Variants in INTS9 observed in about 807,000 individuals in gnomAD.
INTS9 encodes protein related to CPSF subunits of 74 kDa.
A neutral mutation model predicts 79.7 loss-of-function variants in INTS9; 55 were observed. The observed-to-expected ratio is 0.69, with a 90% CI of 0.56 to 0.86. The LOEUF is 0.86. Among genes scored for constraint, INTS9 ranks in the 40% least tolerant of loss-of-function variants. The probability of loss-of-function intolerance (pLI) is 0.00; values close to 1 mark genes in which losing one functional copy is unlikely to be tolerated. For missense variants in INTS9, 721 were observed against 831.5 expected, an observed-to-expected ratio of 0.87 and a Z score of 1.64; for synonymous variants, 319 against 325.2, an observed-to-expected ratio of 0.98 and a Z score of 0.20.
chr8:28,781,112 G>A (rs144557177), intron 11 of INTS9, 118 bp from the exon 12 acceptor site: 6 of 753,566 alleles, frequency 8.0e-6, no homozygotes, highest in South Asian at 5.8e-5. Context: ...GACAAGCCAC[G>A]GATTGGGAGA....
chr8:28,802,098 A>G (rs1804560113), intron 8 of INTS9, among the ~76,000 whole-genome samples: 1 of 152,254 alleles, frequency 6.6e-6, no homozygotes, highest in South Asian at 2.1e-4. Flanking sequence ...AGAATAAAAC[A>G]TCATAAGCTC....
At chr8:28,799,313 A>G (rs898980848) in intron 8 of INTS9, 13 of 152,772 alleles carry the variant, frequency 8.5e-5, no homozygotes, top group African/African-American at 3.1e-4. Flanking sequence ...AACAAAACAT[A>G]TAACACAGAG....
intron 11 of INTS9, among the ~76,000 whole-genome samples, chr8:28,782,531 G>A (rs924451777): frequency 1.4e-4 from 22 of 152,182 alleles, no homozygotes; most frequent in Non-Finnish European, 1.2e-4. Flanking sequence ...GGACATGTGT[G>A]CACACATGCA....
intron 2 of INTS9, among the ~76,000 whole-genome samples, chr8:28,852,910 AG>A (rs1201319019): frequency 1.2e-4 from 18 of 152,260 alleles, no homozygotes; most frequent in Non-Finnish European, 2.1e-4. Context: ...CCAATGACAA[AG>A]GGATGCAAAT....
At chr8:28,828,217 G>C (rs945241792) in intron 6 of INTS9, among the ~76,000 whole-genome samples, 1 of 152,164 alleles carries the variant, frequency 6.6e-6, no homozygotes, top group Non-Finnish European at 1.5e-5. Flanking sequence ...ACTAACTACA[G>C]GTAACAGTGG....
chr8:28,844,183 GTTTCT>G (rs756049969), intron 4 of INTS9, among the ~76,000 whole-genome samples: 11 of 151,452 alleles, frequency 7.3e-5, no homozygotes, highest in South Asian at 4.1e-4. Flanking sequence ...GCTTGTTTAC[GTTTCT>G]TTTGAGTGCA....
In INTS9 at chr8:28,768,158, T is replaced by TAAGA; in HGVS notation, c.1961_1964dup (p.Leu655PhefsTer15). 1 of 1,614,132 alleles carries TAAGA rather than the reference T, an allele frequency of 6.2e-7. No individual in the cohort carries two copies. The highest frequency in any genetic ancestry group is 8.5e-7 in the Non-Finnish European group (1 of 1,180,026). ...TCAGATGGCCCACTCAGAACTTCTGTAAGAATTTGAGGACAAGGTCCCGCA... is the reference window on the plus strand; with the variant it reads ...TCAGATGGCCCACTCAGAACTTCTGTAAGAAAGAATTTGAGGACAAGGTCCCGCA... On this transcript the variant is annotated frameshift_variant, in exon 17 of 17. Transcript: ENST00000521022. LOFTEE classifies it high-confidence loss of function.
intron 11 of INTS9, among the ~76,000 whole-genome samples, chr8:28,784,468 A>G (rs762036032): frequency 6.6e-6 from 1 of 152,266 alleles, no homozygotes. Flanking sequence ...CCAAAATACT[A>G]TTTAGACTAC....
intron 1 of INTS9, among the ~76,000 whole-genome samples, chr8:28,860,633 T>C (rs1808412344): frequency 6.6e-6 from 1 of 152,196 alleles, no homozygotes. Flanking sequence ...TCTGCCACCA[T>C]GCCTGGCTGG....
rs149222679 is a variant in INTS9, at chr8:28,834,288, C to T, written c.488+1004G>A. Among the ~76,000 whole-genome samples, 680 of 152,290 alleles carry T rather than the reference C, an allele frequency of 4.5e-3. 7 individuals are homozygous for T. Among genetic ancestry groups the T allele is most frequent in the African/African-American group, 0.016 (652 of 41,556 alleles). ...CCTCTGCATTCCTGTCCATCCTTTA[C>T]GCTGCTTCCAGAGTTACTTTCCCCA... On this transcript the variant is annotated intron_variant, in intron 6 of 16. Coordinates refer to ENST00000521022, the MANE Select transcript of INTS9 (RefSeq NM_018250.4).
intron 1 of INTS9, among the ~76,000 whole-genome samples, chr8:28,863,079 G>C (rs764138870): frequency 1.3e-5 from 2 of 152,120 alleles, no homozygotes; most frequent in Non-Finnish European, 2.9e-5. Flanking sequence ...AATCATTAAG[G>C]GGCTGAAGAG....
chr8:28,840,676 G>A (rs1807124237), intron 4 of INTS9, among the ~76,000 whole-genome samples: 1 of 148,014 alleles, frequency 6.8e-6, no homozygotes, highest in East Asian at 2.0e-4. Context: ...ATCATTCTCA[G>A]TAAACTATCA....
intron 6 of INTS9, among the ~76,000 whole-genome samples, chr8:28,826,636 T>A (rs1563278594): frequency 6.6e-6 from 1 of 152,192 alleles, no homozygotes; most frequent in Non-Finnish European, 1.5e-5. Flanking sequence ...AAGATGATGA[T>A]GGGCTGTCAC....
intron 1 of INTS9, among the ~76,000 whole-genome samples, chr8:28,884,815 T>C (rs1012293854): frequency 2.0e-5 from 3 of 152,172 alleles, no homozygotes; most frequent in African/African-American, 7.2e-5. Flanking sequence ...TGTACTGCAA[T>C]AGTTGAATCA....
In INTS9 at chr8:28,816,284, C is replaced by A. The variant is rs969371094; in HGVS notation, c.489-2672G>T. On this transcript the variant is annotated intron_variant, in intron 6 of 16. Coordinates refer to ENST00000521022, the MANE Select transcript of INTS9 (RefSeq NM_018250.4). ...CGTCATTTAGCATTAGGTATGTCCC[C>A]TAAAGCTGTCCCTCCCCCCTCCCCC... Among the ~76,000 whole-genome samples the A allele has an allele frequency of 3.4e-5, 5 of 147,198 alleles. No homozygotes were observed. In the East Asian group the frequency reaches 1.0e-3, roughly 30 times the overall value.
At chr8:28,839,678 T>C (rs1807043533) in intron 4 of INTS9, among the ~76,000 whole-genome samples, 1 of 151,924 alleles carries the variant, frequency 6.6e-6, no homozygotes. Flanking sequence ...CTGAAAAAAA[T>C]AAGCAATGGG....
In INTS9 at chr8:28,839,042, G is replaced by C. The variant is rs151195843; in HGVS notation, c.262-1266C>G. ...GTCACTCACAGGGCCCTCCACCGTGGAGGAGCTAACCCTGGGAAATATACG... is the reference window on the plus strand; with the variant it reads ...GTCACTCACAGGGCCCTCCACCGTGCAGGAGCTAACCCTGGGAAATATACG... On this transcript the variant is annotated intron_variant, in intron 4 of 16. Coordinates refer to ENST00000521022, the MANE Select transcript of INTS9 (RefSeq NM_018250.4). Among the ~76,000 whole-genome samples the C allele has an allele frequency of 6.3e-3, 953 of 152,248 alleles. 6 individuals carry two copies. Among genetic ancestry groups the C allele is most frequent in the African/African-American group, 0.022 (923 of 41,522 alleles).
intron 4 of INTS9, among the ~76,000 whole-genome samples, chr8:28,839,017 G>T (rs1806995235): frequency 6.6e-6 from 1 of 152,128 alleles, no homozygotes; most frequent in African/African-American, 2.4e-5. Flanking sequence ...GAGACAACCT[G>T]TCACTCACAG....
At position 28,796,726 on chromosome 8, in the gene INTS9, G is replaced by A. The variant is rs1029418863; in HGVS notation, c.745-71C>T. The A allele has an allele frequency of 5.6e-5, 52 of 925,492 alleles. No homozygotes were observed. The East Asian group carries it at 7.3e-4, about 13-fold the overall frequency. The allele number at this position is 925,492 out of a possible 1,614,324, so 57.3% of individuals were successfully genotyped here. On this transcript the variant is annotated intron_variant, in intron 8 of 16. Transcript: ENST00000521022. ...TTACCTACAAATAGTGAAAGAATAC[G>A]AGAACACAGACATTGCTCTTTCTAC...
Sources: gnomAD v4.1 joint callset for allele counts (sites outside exome capture counted in the v4.1 genomes callset) on GRCh38, gnomAD v4.1.1 for gene constraint, MANE v1.5 for transcripts, NCBI Gene and HGNC (gene_info 2026-07-23, HGNC 2026-07-21) for gene names.